The following PPFIA2 variants were observed in gnomAD, a reference collection of about 807,000 sequenced individuals.
The protein encoded by PPFIA2 is PPFI scaffold protein A2, also known as liprin-alpha-2.
A neutral mutation model predicts 175.5 loss-of-function variants in PPFIA2; 46 were observed. That is an observed-to-expected ratio of 0.26 (90% CI 0.21 to 0.34). The LOEUF (loss-of-function observed/expected upper bound fraction) is 0.34. Ranked by LOEUF, PPFIA2 falls within the 10% of genes least tolerant of loss-of-function variation. The pLI is 1.00. For missense variants in PPFIA2, 1,179 were observed against 1,506.1 expected (o/e 0.78, Z 3.60); for synonymous variants, 568 against 511.4 (o/e 1.11, Z -1.49).
chr12:81,341,012 A>T, intron 20 of PPFIA2, 66 bp downstream of exon 20: 1 of 1,457,240 alleles, frequency 6.9e-7, no homozygotes, highest in South Asian at 1.3e-5. Context: ...ATTCGACAAC[A>T]ACGAAGGAAG....
intron 8 of PPFIA2, among the ~76,000 whole-genome samples, chr12:81,398,963 G>A (rs1566650880): frequency 6.6e-6 from 1 of 151,960 alleles, no homozygotes; most frequent in South Asian, 2.1e-4. Context: ...TGTTGGGTGA[G>A]TGGGTCCTAT....
intron 27 of PPFIA2, 74 bp downstream of exon 27, chr12:81,281,183 G>A (rs1210016158): frequency 1.4e-5 from 16 of 1,166,438 alleles, no homozygotes; most frequent in Admixed American, 3.2e-5. Context: ...GTCCATTTTT[G>A]TTTTACTAAA....
rs541979466 is a variant in PPFIA2 at position 81,433,180 on chromosome 12, A to G, written c.645+6792T>C. The stretch of plus-strand genomic sequence containing the variant: ...TCTTTTCACACCCTGACTTTTATCA[A>G]TGCAACATTCCTTATTCTTGAAACA... On this transcript the variant is annotated intron_variant, in intron 7 of 32. Coordinates refer to ENST00000549396, the MANE Select transcript of PPFIA2 (RefSeq NM_003625.5). Among the ~76,000 whole-genome samples the G allele has an allele frequency of 2.0e-4, 30 of 152,220 alleles. 1 individual carries two copies. In the South Asian group the frequency reaches 5.2e-3, roughly 26 times the overall value.
At chr12:81,345,242 T>A (rs1287135648) in intron 18 of PPFIA2, among the ~76,000 whole-genome samples, 2 of 152,068 alleles carry the variant, frequency 1.3e-5, no homozygotes, top group Non-Finnish European at 2.9e-5. Context: ...TTAAAAAAAA[T>A]TACCCATATT....
Position 81,259,269 on chromosome 12 carries a change from C to A in PPFIA2, c.*425G>T. ...TGTCAAATGTTTGCACTCGAGACTC[C>A]ATGAACCATATATTTTATTTTTTAA... On this transcript the variant is annotated 3_prime_UTR_variant, in exon 33 of 33. Coordinates refer to ENST00000549396, the MANE Select transcript of PPFIA2 (RefSeq NM_003625.5). 6.2e-6 allele frequency: 2 copies of A among 321,560 alleles called. No individual in the cohort carries two copies. Among genetic ancestry groups the A allele is most frequent in the South Asian group, 2.9e-5 (1 of 34,804 alleles). The allele number at this position is 321,560 out of a possible 1,614,324, so 19.9% of individuals were successfully genotyped here.
intron 3 of PPFIA2, among the ~76,000 whole-genome samples, 187 bp downstream of exon 3, chr12:81,753,786 T>A (rs1458117823): frequency 6.6e-6 from 1 of 152,162 alleles, no homozygotes; most frequent in Non-Finnish European, 1.5e-5. Flanking sequence ...CCAACCACCA[T>A]CAGTAGTCCA....
chr12:81,270,129 T>C (rs2038640627), intron 28 of PPFIA2, among the ~76,000 whole-genome samples: 2 of 152,222 alleles, frequency 1.3e-5, no homozygotes, highest in Admixed American at 6.5e-5. Context: ...TTTTGTTTTG[T>C]ATATTTACAT....
At chr12:81,272,364 A>T (rs975891883) in intron 28 of PPFIA2, among the ~76,000 whole-genome samples, 6 of 151,808 alleles carry the variant, frequency 4.0e-5, no homozygotes, top group African/African-American at 1.2e-4. Context: ...GTCTCTAGTG[A>T]TGTTTTATAT....
At chr12:81,471,873 T>A (rs2056790492) in intron 4 of PPFIA2, among the ~76,000 whole-genome samples, 1 of 152,166 alleles carries the variant, frequency 6.6e-6, no homozygotes, top group South Asian at 2.1e-4. Flanking sequence ...ATAAGGAAAT[T>A]TTTGAGGTGA....
At chr12:81,698,273 G>A (rs1040300462) in intron 3 of PPFIA2, among the ~76,000 whole-genome samples, 4 of 152,104 alleles carry the variant, frequency 2.6e-5, no homozygotes, top group African/African-American at 9.7e-5. Context: ...TTATGAGGTA[G>A]TAAAACCATG....
At chr12:81,662,081 C>A (rs1410981371) in intron 4 of PPFIA2, among the ~76,000 whole-genome samples, 2 of 151,748 alleles carry the variant, frequency 1.3e-5, no homozygotes, top group South Asian at 2.1e-4. Context: ...GCACTAAATG[C>A]CCACAAGAGA....
At chr12:81,374,483 A>G in intron 11 of PPFIA2, 151 bp downstream of exon 11, 1 of 734,252 alleles carries the variant, frequency 1.4e-6, no homozygotes, top group African/African-American at 1.8e-5. Flanking sequence ...AATATGTATG[A>G]CAAGAAAAAA....
chr12:81,701,691 T>G (rs1481306190), intron 3 of PPFIA2, among the ~76,000 whole-genome samples: 1 of 151,976 alleles, frequency 6.6e-6, no homozygotes, highest in African/African-American at 2.4e-5. Flanking sequence ...TGAGACATAG[T>G]GCTCAATAAA....
At chr12:81,321,050 TAAAAC>T (rs1249980242) in intron 22 of PPFIA2, among the ~76,000 whole-genome samples, 1 of 89,334 alleles carries the variant, frequency 1.1e-5, no homozygotes, top group Non-Finnish European at 2.1e-5. Context: ...AATAAATAAA[TAAAAC>T]AGAGAGAGAG....
intron 4 of PPFIA2, among the ~76,000 whole-genome samples, chr12:81,668,627 C>A (rs2070812761): frequency 6.6e-6 from 1 of 151,964 alleles, no homozygotes; most frequent in African/African-American, 2.4e-5. Context: ...AGAGTAAAAA[C>A]CCTGCAGTAC....
At chr12:81,573,690 C>T (rs1465550282) in intron 4 of PPFIA2, among the ~76,000 whole-genome samples, 1 of 151,812 alleles carries the variant, frequency 6.6e-6, no homozygotes, top group African/African-American at 2.4e-5. Flanking sequence ...ATGTATACTC[C>T]CCCAAAGAGA....
rs2069068573 is a variant in PPFIA2 at position 81,557,310 on chromosome 12, GA to G, written c.304-99445del. 3.3e-5 allele frequency among the ~76,000 whole-genome samples: 5 copies of G among 151,834 alleles called. No homozygotes were observed. In the South Asian group the frequency reaches 1.0e-3, roughly 32 times the overall value. On this transcript the variant is annotated intron_variant, in intron 4 of 32. Coordinates refer to ENST00000549396, the MANE Select transcript of PPFIA2 (RefSeq NM_003625.5). ...TAAATAAATATTTGTCTAGAAATTT[GA>G]CTGAACTCTGTGGGTGGAGGGACAA...
intron 4 of PPFIA2, among the ~76,000 whole-genome samples, chr12:81,666,051 C>T (rs2070181468): frequency 6.6e-6 from 1 of 152,016 alleles, no homozygotes; most frequent in Non-Finnish European, 1.5e-5. Flanking sequence ...CAAATCAAAA[C>T]CACAATGAGA....
At chr12:81,565,293 T>C (rs1012071613) in intron 4 of PPFIA2, among the ~76,000 whole-genome samples, 3 of 152,154 alleles carry the variant, frequency 2.0e-5, no homozygotes, top group Admixed American at 1.3e-4. Flanking sequence ...TCCTGTTTGC[T>C]TCTAGACCTA....
Sources: gnomAD v4.1 joint callset for allele counts (sites outside exome capture counted in the v4.1 genomes callset) on GRCh38, gnomAD v4.1.1 for gene constraint, MANE v1.5 for transcripts, NCBI Gene and HGNC (gene_info 2026-07-23, HGNC 2026-07-21) for gene names.